B3GALT1: variants seen among roughly 807,000 people sequenced by gnomAD.
B3GALT1 encodes UDP-Gal:betaGlcNAc beta 1,3-galactosyltransferase, polypeptide 1.
B3GALT1 carries 10 observed loss-of-function variants against 23.2 expected under a neutral mutation model. The ratio of observed to expected loss-of-function variants is 0.43; its 90% CI spans 0.27 to 0.73. The LOEUF (loss-of-function observed/expected upper bound fraction) is 0.73. Ranked by LOEUF, B3GALT1 falls within the 30% of genes least tolerant of loss-of-function variation. The pLI, the probability that B3GALT1 is intolerant of heterozygous loss-of-function variation, is 0.21. For synonymous variants in B3GALT1, 156 were observed against 141.5 expected, an observed-to-expected ratio of 1.10 and a Z score of -0.73; for missense variants, 299 against 405.4, an observed-to-expected ratio of 0.74 and a Z score of 2.25.
At chr2:167,331,907 G>A (rs1163918469) in intron 1 of B3GALT1, among the ~76,000 whole-genome samples, 4 of 152,182 alleles carry the variant, frequency 2.6e-5, no homozygotes, top group South Asian at 2.1e-4. Flanking sequence ...CTGCAGTTGC[G>A]GTGGTTGTAG....
intron 3 of B3GALT1, among the ~76,000 whole-genome samples, chr2:167,654,934 G>A (rs928316442): frequency 3.9e-5 from 6 of 151,900 alleles, no homozygotes; most frequent in African/African-American, 1.2e-4. Flanking sequence ...ATTATCTGGG[G>A]AGGATAATGA....
chr2:167,315,219 G>C (rs1224111554), intron 1 of B3GALT1, among the ~76,000 whole-genome samples: 1 of 152,088 alleles, frequency 6.6e-6, no homozygotes. Context: ...TAAAATCCCT[G>C]TTTAATATTG....
At chr2:167,334,506 C>A (rs568007495) in intron 1 of B3GALT1, among the ~76,000 whole-genome samples, 1 of 152,232 alleles carries the variant, frequency 6.6e-6, no homozygotes, top group South Asian at 2.1e-4. Flanking sequence ...CAGCTTTAAA[C>A]TAAAGATGTT....
chr2:167,818,842 C>T (rs755131891), intron 4 of B3GALT1, among the ~76,000 whole-genome samples, 49 bp downstream of exon 4: 1 of 152,084 alleles, frequency 6.6e-6, no homozygotes, highest in Admixed American at 6.6e-5. Flanking sequence ...AGTTATGCAG[C>T]CCAGCGTCGA....
At chr2:167,760,718 A>G (rs1424821782) in intron 3 of B3GALT1, among the ~76,000 whole-genome samples, 1 of 152,230 alleles carries the variant, frequency 6.6e-6, no homozygotes, top group Non-Finnish European at 1.5e-5. Flanking sequence ...GCTGATCTAA[A>G]GAATAGCAGT....
At position 167,870,569 on chromosome 2, in the gene B3GALT1, T is replaced by C. The variant is rs1181047843; in HGVS notation, c.*549T>C. 1.2e-5 allele frequency: 2 copies of C among 167,222 alleles called. No homozygotes were observed. The highest frequency in any genetic ancestry group is 1.3e-4 in the Admixed American group (2 of 15,308). The allele number at this position is 167,222 out of a possible 1,614,324, so 10.4% of individuals were successfully genotyped here. A position where few individuals can be genotyped will look rare whatever the true frequency, so the allele number is the denominator to read the frequency against. On this transcript the variant is annotated 3_prime_UTR_variant, in exon 5 of 5. Coordinates refer to ENST00000392690, the MANE Select transcript of B3GALT1 (RefSeq NM_020981.4). ...TACCTGCAGAGTGGCTGCAGTTAAA[T>C]AGATGGGAGTTTAAATTTGAGAATC...
intron 3 of B3GALT1, chr2:167,715,813 T>G: frequency 6.2e-7 from 1 of 1,613,784 alleles, no homozygotes; most frequent in Non-Finnish European, 8.5e-7. Context: ...CTTCAATTAG[T>G]CCAGAAAGCA....
chr2:167,455,871 A>C (rs1302322562), intron 1 of B3GALT1, among the ~76,000 whole-genome samples: 1 of 152,156 alleles, frequency 6.6e-6, no homozygotes, highest in Non-Finnish European at 1.5e-5. Context: ...ATAAATATAC[A>C]TCGAATTGTA....
chr2:167,369,858 A>G lies in B3GALT1; in HGVS notation c.-511+76524A>G, dbSNP rs537325763. Among the ~76,000 whole-genome samples, 16 of 152,348 alleles carry G rather than the reference A, an allele frequency of 1.1e-4. No individual in the cohort carries two copies. The East Asian group carries it at 2.5e-3, about 24-fold the overall frequency. On this transcript the variant is annotated intron_variant, in intron 1 of 4. Coordinates refer to ENST00000392690, the MANE Select transcript of B3GALT1 (RefSeq NM_020981.4). ...ACTAAAGAGCAAAGTAAAATTCAGC[A>G]CAGTGCAGATAAAAAATATTCTTCA...
intron 1 of B3GALT1, among the ~76,000 whole-genome samples, chr2:167,429,018 G>T (rs527419679): frequency 3.9e-5 from 6 of 151,990 alleles, no homozygotes; most frequent in Non-Finnish European, 8.8e-5. Flanking sequence ...GGTGGCTCAC[G>T]CCTGTAATCC....
chr2:167,355,782 T>G (rs541476916), intron 1 of B3GALT1, among the ~76,000 whole-genome samples: 15 of 152,210 alleles, frequency 9.9e-5, no homozygotes, highest in Non-Finnish European at 1.9e-4. Context: ...TATGTGCAAT[T>G]ACTTTGAACA....
At chr2:167,640,982 T>C (rs1327409265) in intron 2 of B3GALT1, among the ~76,000 whole-genome samples, 2 of 152,172 alleles carry the variant, frequency 1.3e-5, no homozygotes, top group Non-Finnish European at 2.9e-5. Flanking sequence ...TTGACCTTTC[T>C]ATCTATTCAA....
At chr2:167,734,341 C>T (rs1364452960) in intron 3 of B3GALT1, among the ~76,000 whole-genome samples, 1 of 152,114 alleles carries the variant, frequency 6.6e-6, no homozygotes, top group Non-Finnish European at 1.5e-5. Context: ...TCATTTCCCC[C>T]CAGTTTACAA....
intron 2 of B3GALT1, among the ~76,000 whole-genome samples, chr2:167,567,653 C>T (rs942616298): frequency 6.6e-6 from 1 of 152,044 alleles, no homozygotes; most frequent in Admixed American, 6.6e-5. Context: ...TTCCATCCCC[C>T]ATACATGCCA....
chr2:167,360,253 C>A (rs940315), intron 1 of B3GALT1, among the ~76,000 whole-genome samples: 122,930 of 152,108 alleles, frequency 0.81, 51,482 homozygotes, highest in East Asian at 0.92. Flanking sequence ...CTGTTATATT[C>A]TGCCAGTTCA....
At chr2:167,508,408 G>A (rs965237186) in intron 2 of B3GALT1, among the ~76,000 whole-genome samples, 1 of 151,356 alleles carries the variant, frequency 6.6e-6, no homozygotes, top group African/African-American at 2.4e-5. Flanking sequence ...ACAGGCACCC[G>A]CCACCACTCC....
chr2:167,755,703 C>T (rs1046462007), intron 3 of B3GALT1, among the ~76,000 whole-genome samples: 4 of 152,000 alleles, frequency 2.6e-5, no homozygotes, highest in African/African-American at 7.2e-5. Flanking sequence ...TGCAGTGGCT[C>T]ACTCCTGTAC....
At chr2:167,697,409 A>G (rs184534612) in intron 3 of B3GALT1, among the ~76,000 whole-genome samples, 3 of 152,326 alleles carry the variant, frequency 2.0e-5, no homozygotes, top group African/African-American at 7.2e-5. Context: ...AGATGGCTGC[A>G]TTGGGCAATT....
chr2:167,520,751 T>C (rs1160428463), intron 2 of B3GALT1, among the ~76,000 whole-genome samples: 1 of 152,180 alleles, frequency 6.6e-6, no homozygotes, highest in Non-Finnish European at 1.5e-5. Context: ...TTAAAAGAAA[T>C]GCGTTAGGAT....
Sources: allele counts gnomAD v4.1 joint callset (sites outside exome capture counted in the v4.1 genomes callset), GRCh38; gene constraint gnomAD v4.1.1; transcripts MANE v1.5; gene names NCBI Gene and HGNC (gene_info 2026-07-23, HGNC 2026-07-21).